The following CDH4 variants were observed in gnomAD, a reference collection of about 807,000 sequenced individuals.
CDH4 encodes cadherin-4.
Under a neutral mutation model 86.0 loss-of-function variants are expected in CDH4, and 33 were observed. The ratio of observed to expected loss-of-function variants is 0.38; its 90% CI spans 0.29 to 0.51. CDH4 has a LOEUF of 0.51. Among genes scored for constraint, CDH4 ranks in the 20% least tolerant of loss-of-function variants. CDH4 has a pLI of 0.86. For missense variants in CDH4, 1,114 were observed against 1,307.4 expected (o/e 0.85, Z 2.28); for synonymous variants, 555 against 549.4 (o/e 1.01, Z -0.14).
At chr20:61,850,358 T>A (rs1982655585) in intron 5 of CDH4, among the ~76,000 whole-genome samples, 1 of 152,234 alleles carries the variant, frequency 6.6e-6, no homozygotes, top group Non-Finnish European at 1.5e-5. Flanking sequence ...TGGCTGCCGA[T>A]GTCACTGATG....
chr20:61,431,269 A>C (rs1288275844), intron 2 of CDH4, among the ~76,000 whole-genome samples: 1 of 152,174 alleles, frequency 6.6e-6, no homozygotes, highest in African/African-American at 2.4e-5. Context: ...ATTACTATGC[A>C]AGGAAGTTTT....
At chr20:61,661,129 G>C (rs7269450) in intron 2 of CDH4, among the ~76,000 whole-genome samples, 6 of 150,776 alleles carry the variant, frequency 4.0e-5, no homozygotes, top group Admixed American at 3.3e-4. Flanking sequence ...AGGTGGGTGC[G>C]GTAGGGCAGC....
chr20:61,831,783 G>T (rs2146082428), intron 4 of CDH4, among the ~76,000 whole-genome samples: 1 of 152,372 alleles, frequency 6.6e-6, no homozygotes, highest in Admixed American at 6.5e-5. Context: ...CCAGCGTTAA[G>T]GGGAGAAGGT....
chr20:61,819,283 C>T (rs1053792465), intron 4 of CDH4, among the ~76,000 whole-genome samples: 3 of 152,246 alleles, frequency 2.0e-5, no homozygotes, highest in Non-Finnish European at 2.9e-5. Context: ...GGTGCTGGCC[C>T]AGAAACTGCC....
rs1443731713 is a variant in CDH4 at position 61,517,612 on chromosome 20, G to A, written c.170-225951G>A. On this transcript the variant is annotated intron_variant, in intron 2 of 15. Transcript: ENST00000614565. The surrounding 1 kb of genome is among the most constrained non-coding windows in gnomAD (Gnocchi z 6.6). ...CACTCCTGACCTTGGAACTTGGCGGGTGGCTGAGCCCCTTGAGCTGCAAAG... is the reference window on the plus strand; with the variant it reads ...CACTCCTGACCTTGGAACTTGGCGGATGGCTGAGCCCCTTGAGCTGCAAAG... 6.6e-6 allele frequency among the ~76,000 whole-genome samples: 1 copy of A among 152,152 alleles called. No individual in the cohort carries two copies. The highest frequency in any genetic ancestry group is 2.4e-5 in the African/African-American group (1 of 41,438).
intron 3 of CDH4, 152 bp downstream of exon 3, chr20:61,743,941 C>A (rs1447381637): frequency 1.5e-6 from 1 of 671,164 alleles, no homozygotes; most frequent in African/African-American, 1.8e-5. Flanking sequence ...CCAAGCACCC[C>A]TGCCCTCTGC....
intron 2 of CDH4, among the ~76,000 whole-genome samples, chr20:61,738,056 C>T (rs2386943): frequency 0.025 from 3,743 of 152,266 alleles, 60 homozygotes; most frequent in South Asian, 0.042. Context: ...AGGTGTTCCC[C>T]TCCCCACCCT....
chr20:61,434,187 C>T (rs1270262430), intron 2 of CDH4, among the ~76,000 whole-genome samples: 2 of 152,086 alleles, frequency 1.3e-5, no homozygotes, highest in Non-Finnish European at 2.9e-5. Flanking sequence ...TGGTGTTTAC[C>T]CCTGGATAAT....
At chr20:61,667,839 A>G (rs1373181584) in intron 2 of CDH4, among the ~76,000 whole-genome samples, 2 of 152,202 alleles carry the variant, frequency 1.3e-5, no homozygotes, top group Non-Finnish European at 1.5e-5. Context: ...CAGAGGAGCA[A>G]GGAACTCGTT....
chr20:61,876,334 G>A (rs532731039), intron 7 of CDH4, among the ~76,000 whole-genome samples: 2 of 152,350 alleles, frequency 1.3e-5, no homozygotes, highest in Admixed American at 6.5e-5. Context: ...GGGCCTCGCC[G>A]TCCAGTCCCA....
At chr20:61,800,169 C>T (rs1260809918) in intron 4 of CDH4, among the ~76,000 whole-genome samples, 2 of 152,204 alleles carry the variant, frequency 1.3e-5, no homozygotes, top group Non-Finnish European at 2.9e-5. Context: ...TGCAAGCAAG[C>T]GAGCGGCCTG....
chr20:61,929,570 C>A, intron 12 of CDH4, 39 bp from the exon 13 acceptor site: 1 of 1,511,868 alleles, frequency 6.6e-7, no homozygotes, highest in Non-Finnish European at 9.2e-7. Context: ...GAAGCGAGGG[C>A]CGGGCTCTGG....
intron 2 of CDH4, among the ~76,000 whole-genome samples, chr20:61,642,337 G>T (rs545425614): frequency 6.6e-6 from 1 of 152,258 alleles, no homozygotes; most frequent in East Asian, 1.9e-4. Context: ...TGGCAGAGGG[G>T]TGTGGAATGG....
intron 2 of CDH4, among the ~76,000 whole-genome samples, chr20:61,363,716 G>C (rs895954065): frequency 1.3e-5 from 2 of 152,186 alleles, no homozygotes; most frequent in South Asian, 4.1e-4. Flanking sequence ...AATCAACGTG[G>C]CCAGAGCTCA....
At chr20:61,411,159 C>CA (rs1405058261) in intron 2 of CDH4, among the ~76,000 whole-genome samples, 8 of 151,910 alleles carry the variant, frequency 5.3e-5, no homozygotes, top group African/African-American at 1.9e-4. Flanking sequence ...TCCATCCATC[C>CA]TTGCTAGATT....
rs10541512 is a variant in CDH4 at position 61,797,083 on chromosome 20, GCCCC to G, written c.576+23911_576+23914del. On this transcript the variant is annotated intron_variant, in intron 4 of 15. Transcript: ENST00000614565. The stretch of plus-strand genomic sequence containing the variant: ...CTCTCTGAAGGCTGGGACAGGAAGA[GCCCC>G]CCCCCCCCCAACACTGGCCAGCTCC... Among the ~76,000 whole-genome samples, 100 of 148,246 alleles carry G rather than the reference GCCCC, an allele frequency of 6.7e-4. 1 individual carries two copies. Among genetic ancestry groups the G allele is most frequent in the East Asian group, 5.1e-3 (25 of 4,864 alleles).
chr20:61,872,630 C>T (rs570314101), intron 6 of CDH4, among the ~76,000 whole-genome samples: 2 of 152,292 alleles, frequency 1.3e-5, no homozygotes, highest in East Asian at 1.9e-4. Context: ...GCTGCAGGGC[C>T]GGGCACCCGA....
intron 2 of CDH4, among the ~76,000 whole-genome samples, chr20:61,412,232 G>A (rs930032243): frequency 3.3e-5 from 5 of 152,168 alleles, no homozygotes; most frequent in Non-Finnish European, 7.4e-5. Flanking sequence ...ACTCTAGCAA[G>A]AAACTCTGGG....
At chr20:61,536,295 G>A (rs2085996705) in intron 2 of CDH4, among the ~76,000 whole-genome samples, 1 of 152,232 alleles carries the variant, frequency 6.6e-6, no homozygotes. Flanking sequence ...GGGAGGCTCT[G>A]CCAACAGGGC....
Sources: gnomAD v4.1 joint callset for allele counts (sites outside exome capture counted in the v4.1 genomes callset) on GRCh38, gnomAD v4.1.1 for gene constraint, Gnocchi (gnomAD v3.1) non-coding constraint, MANE v1.5 for transcripts, NCBI Gene and HGNC (gene_info 2026-07-23, HGNC 2026-07-21) for gene names.